VPS37A: variants seen among roughly 807,000 people sequenced by gnomAD.
VPS37A encodes VPS37A subunit of ESCRT-I.
In VPS37A, 30 loss-of-function variants were observed where a neutral mutation model predicts 49.8. The observed-to-expected ratio is 0.60, with a 90% CI of 0.45 to 0.82. The LOEUF is 0.82. VPS37A is among the 40% of genes least tolerant of loss of function. The pLI, the probability that VPS37A is intolerant of heterozygous loss-of-function variation, is 0.00. For synonymous variants in VPS37A, 195 were observed against 160.6 expected, an observed-to-expected ratio of 1.21 and a Z score of -1.62; for missense variants, 593 against 464.4, an observed-to-expected ratio of 1.28 and a Z score of -2.55.
At chr8:17,251,514 T>C (rs551014494) in intron 1 of VPS37A, among the ~76,000 whole-genome samples, 49 of 152,348 alleles carry the variant, frequency 3.2e-4, no homozygotes, top group Non-Finnish European at 3.2e-4. Flanking sequence ...CTTTGCCTCT[T>C]AGCCTATAAG....
intron 10 of VPS37A, among the ~76,000 whole-genome samples, chr8:17,285,869 A>G (rs1381760371): frequency 6.6e-6 from 1 of 152,208 alleles, no homozygotes; most frequent in Non-Finnish European, 1.5e-5. Flanking sequence ...TTTACATTCT[A>G]GAAGCTTGTA....
intron 11 of VPS37A, among the ~76,000 whole-genome samples, chr8:17,292,869 T>C (rs148497222): frequency 0.014 from 2,202 of 152,308 alleles, 38 homozygotes; most frequent in Middle Eastern, 0.041. Context: ...CCAACCTTTT[T>C]CTCTGGCTGC....
chr8:17,331,022 G>A, the VPS37A span: 1 of 1,138,756 alleles, frequency 8.8e-7, no homozygotes. Flanking sequence ...AAAAGCCACT[G>A]TAACATGATA....
At chr8:17,312,768 A>G in the VPS37A span, among the ~76,000 whole-genome samples, 1 of 152,158 alleles carries the variant, frequency 6.6e-6, no homozygotes, top group Admixed American at 6.5e-5. Flanking sequence ...CAGGGAAGAT[A>G]TGGTTCTCTT....
At chr8:17,320,799 G>A in the VPS37A span, among the ~76,000 whole-genome samples, 62 of 152,306 alleles carry the variant, frequency 4.1e-4, no homozygotes, top group South Asian at 6.0e-3. Context: ...ACACGGCCCA[G>A]TGGAAAGCAT....
At chr8:17,309,269 T>C in the VPS37A span, 1 of 1,506,678 alleles carries the variant, frequency 6.6e-7, no homozygotes, top group Non-Finnish European at 9.2e-7. Context: ...GTCTTAAATA[T>C]TACTTACCGG....
chr8:17,297,823 T>C lies in VPS37A; in HGVS notation c.*2837T>C, dbSNP rs996088294. On this transcript the variant is annotated 3_prime_UTR_variant, in exon 12 of 12. Coordinates refer to ENST00000324849, the MANE Select transcript of VPS37A (RefSeq NM_152415.3). ...AATAAGCAATAAATGTAACCTTTTA[T>C]ATAAATCTCAGTGCTAGGTTAACTT... 2 of 150,530 alleles carry C rather than the reference T, an allele frequency of 1.3e-5. No individual in the cohort carries two copies. The highest frequency in any genetic ancestry group is 3.0e-5 in the Non-Finnish European group (2 of 67,720). The allele number at this position is 150,530 out of a possible 1,614,324, so 9.3% of individuals were successfully genotyped here. A position where few individuals can be genotyped will look rare whatever the true frequency, so the allele number is the denominator to read the frequency against.
At chr8:17,255,925 A>G (rs752409210) in intron 1 of VPS37A, among the ~76,000 whole-genome samples, 7 of 151,984 alleles carry the variant, frequency 4.6e-5, no homozygotes, top group Admixed American at 1.3e-4. Context: ...CATTTTCTTT[A>G]TCCATTCATT....
intron 1 of VPS37A, among the ~76,000 whole-genome samples, chr8:17,252,718 C>G (rs1047600254): frequency 3.9e-5 from 6 of 152,206 alleles, no homozygotes; most frequent in African/African-American, 1.4e-4. Context: ...TGTTGGACTA[C>G]AAGGAGCTGC....
rs146329558 is a variant in VPS37A, at chr8:17,286,395, G to T, written c.1162G>T (p.Ala388Ser). 137 of 1,613,858 alleles carry T rather than the reference G, an allele frequency of 8.5e-5. 1 individual carries two copies. In the African/African-American group the frequency reaches 1.6e-3, roughly 19 times the overall value. Reference sequence around the variant, plus strand: ...GGAAGAGAAACTTCAGCAGGCGATAGCAATGCACAGCCAATTTCATGCTCC... The same window carrying T: ...GGAAGAGAAACTTCAGCAGGCGATATCAATGCACAGCCAATTTCATGCTCC... ...AKEEKLQQAI[A>S]MHSQFHAPL Residue 388 changes from alanine to serine, a missense_variant, in exon 11 of 12, where the codon GCA becomes TCA. Transcript: ENST00000324849.
rs559060797 is a variant in VPS37A, at chr8:17,296,975, G to C, written c.*1989G>C. ...TTATGTATGTCACCCACGATGAAAAGAATCTGCATTTGAATATGCCCGTAT... is the reference window on the plus strand; with the variant it reads ...TTATGTATGTCACCCACGATGAAAACAATCTGCATTTGAATATGCCCGTAT... On this transcript the variant is annotated 3_prime_UTR_variant, in exon 12 of 12. Transcript: ENST00000324849. The C allele has an allele frequency of 6.6e-6, 1 of 152,278 alleles. No homozygotes were observed. The highest frequency in any genetic ancestry group is 2.1e-4 in the South Asian group (1 of 4,826). 9.4% of individuals were successfully genotyped at this position (152,278 alleles called of 1,614,324 possible). A position where few individuals can be genotyped will look rare whatever the true frequency, so the allele number is the denominator to read the frequency against.
chr8:17,311,781 CT>C, the VPS37A span: 1 of 1,288,730 alleles, frequency 7.8e-7, no homozygotes, highest in African/African-American at 1.5e-5. Context: ...AGGGCCCCCC[CT>C]AATTAGGGCA....
the VPS37A span, among the ~76,000 whole-genome samples, chr8:17,328,626 AC>A: frequency 6.6e-6 from 1 of 152,192 alleles, no homozygotes; most frequent in Non-Finnish European, 1.5e-5. Flanking sequence ...GCTAGGCTTA[AC>A]AGTTAGATGA....
rs1438062126 is a variant in VPS37A at position 17,286,369 on chromosome 8, A to G, written c.1136A>G (p.Lys379Arg). Residue 379 changes from lysine (K) to arginine (R), a missense_variant, in exon 11 of 12, where the codon AAG (lysine) becomes AGG (arginine). By Grantham distance (26) the Lys-to-Arg change is conservative (BLOSUM62 2). Coordinates refer to ENST00000324849, the MANE Select transcript of VPS37A (RefSeq NM_152415.3). ...KRTICHCRRA[K>R]EEKLQQAIAM... ...TAGATTTGCCACTGTAGAAGAGCCA[A>G]GGAAGAGAAACTTCAGCAGGCGATA... 1.9e-6 allele frequency: 3 copies of G among 1,613,794 alleles called. No homozygotes were observed. In the South Asian group the frequency reaches 3.3e-5, roughly 18 times the overall value.
intron 11 of VPS37A, among the ~76,000 whole-genome samples, chr8:17,288,585 G>A (rs1303743941): frequency 6.6e-6 from 1 of 152,168 alleles, no homozygotes; most frequent in Non-Finnish European, 1.5e-5. Flanking sequence ...ATTCCATGGT[G>A]TATATGTGCC....
At chr8:17,307,238 C>T (rs551124816), downstream of VPS37A, among the ~76,000 whole-genome samples, 6 of 152,284 alleles carry the variant, frequency 3.9e-5, no homozygotes, top group Non-Finnish European at 5.9e-5. Flanking sequence ...TATGAAAAGA[C>T]ACTTCTCAAA....
In VPS37A at chr8:17,280,150, T is replaced by G. The variant is rs1392759246; in HGVS notation, c.836T>G (p.Leu279Arg). ...KDDLVKSIEELARKNLLLEPS... is the reference protein window; with the variant it reads ...KDDLVKSIEERARKNLLLEPS... Reference sequence around the variant, plus strand: ...GACTTAGTAAAAAGTATTGAGGAACTAGCAAGTATGTTTTCCCTCTCCTGA... The same window carrying G: ...GACTTAGTAAAAAGTATTGAGGAACGAGCAAGTATGTTTTCCCTCTCCTGA... Residue 279 changes from leucine to arginine, a missense_variant, in exon 7 of 12, where the codon CTA (leucine) becomes CGA (arginine). By Grantham distance (102) the Leu-to-Arg change is moderately radical. Transcript: ENST00000324849. 5 of 1,612,214 alleles carry G rather than the reference T, an allele frequency of 3.1e-6. No individual in the cohort carries two copies. The highest frequency in any genetic ancestry group is 4.2e-6 in the Non-Finnish European group (5 of 1,179,164).
chr8:17,320,168 T>C, the VPS37A span, among the ~76,000 whole-genome samples: 4 of 152,190 alleles, frequency 2.6e-5, no homozygotes, highest in East Asian at 1.9e-4. Flanking sequence ...AGATTTTCTT[T>C]TTACTTTTAA....
the VPS37A span, among the ~76,000 whole-genome samples, chr8:17,309,617 T>A: frequency 6.6e-6 from 1 of 152,100 alleles, no homozygotes; most frequent in Non-Finnish European, 1.5e-5. Context: ...TTACGTATGA[T>A]CTCTAACTGT....
Sources: gnomAD v4.1 joint callset for allele counts (sites outside exome capture counted in the v4.1 genomes callset) on GRCh38, gnomAD v4.1.1 for gene constraint, MANE v1.5 for transcripts, NCBI Gene and HGNC (gene_info 2026-07-23, HGNC 2026-07-21) for gene names.